Variants in FSTL4 observed in about 807,000 individuals in gnomAD.
FSTL4 encodes the protein follistatin like 4, also known as follistatin-related protein 4.
Under a neutral mutation model 78.2 loss-of-function variants are expected in FSTL4, and 28 were observed. The ratio of observed to expected loss-of-function variants is 0.36; its 90% CI spans 0.27 to 0.49. FSTL4 has a LOEUF of 0.49. Ranked by LOEUF, FSTL4 falls within the 20% of genes least tolerant of loss-of-function variation. The pLI is 0.98. For missense variants in FSTL4, 922 were observed against 1,084.9 expected, an observed-to-expected ratio of 0.85 and a Z score of 2.11; for synonymous variants, 422 against 440.5, an observed-to-expected ratio of 0.96 and a Z score of 0.53.
the FSTL4 span, among the ~76,000 whole-genome samples, chr5:133,769,525 A>G: frequency 7.9e-5 from 12 of 152,144 alleles, no homozygotes; most frequent in Admixed American, 7.9e-4. Flanking sequence ...CACGTCCCAT[A>G]AAGCTACTCT....
At chr5:133,423,556 T>C (rs1212698060) in intron 3 of FSTL4, among the ~76,000 whole-genome samples, 1 of 151,846 alleles carries the variant, frequency 6.6e-6, no homozygotes, top group Non-Finnish European at 1.5e-5. Context: ...GGGGTGACAG[T>C]AGTAAAGGCA....
At chr5:133,339,988 C>A (rs959688076) in intron 4 of FSTL4, among the ~76,000 whole-genome samples, 2 of 152,212 alleles carry the variant, frequency 1.3e-5, no homozygotes, top group South Asian at 2.1e-4. Context: ...CCTCCCAGTT[C>A]TCTCTTTTGC....
chr5:133,581,896 G>C (rs1215099090), intron 2 of FSTL4, among the ~76,000 whole-genome samples: 1 of 152,226 alleles, frequency 6.6e-6, no homozygotes, highest in Admixed American at 6.5e-5. Context: ...CCAGTGCTCT[G>C]CACCATGGTG....
chr5:133,505,227 A>T (rs545725921), intron 3 of FSTL4, among the ~76,000 whole-genome samples: 3 of 152,282 alleles, frequency 2.0e-5, no homozygotes, highest in East Asian at 1.9e-4. Flanking sequence ...TATATATTCA[A>T]TTTTTTCTAA....
intron 1 of FSTL4, among the ~76,000 whole-genome samples, chr5:133,604,950 G>C (rs888476041): frequency 6.6e-5 from 10 of 152,146 alleles, no homozygotes; most frequent in African/African-American, 2.4e-4. Context: ...TAAAAGACAA[G>C]AAGTGAGCAA....
chr5:133,658,319 G>T, the FSTL4 span, among the ~76,000 whole-genome samples: 138 of 152,108 alleles, frequency 9.1e-4, no homozygotes, highest in African/African-American at 3.2e-3. Context: ...TCTTGATTTC[G>T]GATGGTTTGT....
At chr5:133,530,458 C>T (rs1759228263) in intron 3 of FSTL4, among the ~76,000 whole-genome samples, 1 of 152,218 alleles carries the variant, frequency 6.6e-6, no homozygotes, top group Non-Finnish European at 1.5e-5. Flanking sequence ...TCCTCAGTCA[C>T]GTGACATGCA....
At chr5:133,590,943 T>C (rs986374351) in intron 2 of FSTL4, among the ~76,000 whole-genome samples, 3 of 152,182 alleles carry the variant, frequency 2.0e-5, no homozygotes, top group African/African-American at 7.2e-5. Context: ...GTAATCGGCA[T>C]TCCTGAGGAT....
At chr5:133,301,195 A>T (rs929799664) in intron 6 of FSTL4, among the ~76,000 whole-genome samples, 3 of 151,890 alleles carry the variant, frequency 2.0e-5, no homozygotes, top group South Asian at 2.1e-4. Context: ...AGACACAAAG[A>T]CTCCAAAGAG....
intron 2 of FSTL4, among the ~76,000 whole-genome samples, chr5:133,578,391 C>T (rs913744727): frequency 3.3e-5 from 5 of 152,202 alleles, no homozygotes; most frequent in South Asian, 2.1e-4. Context: ...ATCTGTAAAA[C>T]GGGCAGACCC....
chr5:133,335,474 C>G (rs1754443587), intron 4 of FSTL4, among the ~76,000 whole-genome samples: 1 of 151,958 alleles, frequency 6.6e-6, no homozygotes, highest in Non-Finnish European at 1.5e-5. Flanking sequence ...GACTTTTCTG[C>G]CCCTTCCCCT....
intron 6 of FSTL4, among the ~76,000 whole-genome samples, chr5:133,257,517 G>A (rs1429163359): frequency 1.3e-5 from 2 of 152,214 alleles, no homozygotes; most frequent in South Asian, 2.1e-4. Flanking sequence ...CACCTTTTTA[G>A]TTTTGAGAAA....
At chr5:133,419,946 C>T (rs1410383371) in intron 3 of FSTL4, among the ~76,000 whole-genome samples, 1 of 152,180 alleles carries the variant, frequency 6.6e-6, no homozygotes, top group Non-Finnish European at 1.5e-5. Flanking sequence ...CACAAAAGGA[C>T]ACATACAAAA....
chr5:133,230,669 C>G (rs571385847), intron 8 of FSTL4, among the ~76,000 whole-genome samples: 1 of 152,142 alleles, frequency 6.6e-6, no homozygotes. Flanking sequence ...GCTCCACCTC[C>G]GGTGCCCCTG....
At chr5:133,760,649 C>G in the FSTL4 span, among the ~76,000 whole-genome samples, 3 of 152,252 alleles carry the variant, frequency 2.0e-5, no homozygotes, top group East Asian at 5.8e-4. Context: ...AAGCCAACAA[C>G]AAGTCAGGCA....
chr5:133,245,035 G>A (rs188280762), intron 7 of FSTL4, among the ~76,000 whole-genome samples: 10 of 151,332 alleles, frequency 6.6e-5, no homozygotes, highest in Middle Eastern at 6.9e-3. Flanking sequence ...TGGGAGGATC[G>A]CTTGAGCTCT....
chr5:133,761,365 A>G, the FSTL4 span, among the ~76,000 whole-genome samples: 1 of 152,230 alleles, frequency 6.6e-6, no homozygotes, highest in South Asian at 2.1e-4. Context: ...AATTCTTGTT[A>G]TAATAAATTT....
At chr5:133,828,232 T>A in the FSTL4 span, among the ~76,000 whole-genome samples, 2 of 152,200 alleles carry the variant, frequency 1.3e-5, no homozygotes, top group Non-Finnish European at 2.9e-5. Flanking sequence ...ACACCAGGGC[T>A]GGGAAGGGAA....
At chr5:133,507,523 ATTT>A (rs35891659) in intron 3 of FSTL4, among the ~76,000 whole-genome samples, 20,341 of 135,998 alleles carry the variant, frequency 0.15, 1,388 homozygotes, top group East Asian at 0.18. Context: ...ACTTGAAAGC[ATTT>A]TTTTTTTTTT....
Sources: allele counts gnomAD v4.1 joint callset (sites outside exome capture counted in the v4.1 genomes callset), GRCh38; gene constraint gnomAD v4.1.1; transcripts MANE v1.5; gene names NCBI Gene and HGNC (gene_info 2026-07-23, HGNC 2026-07-21).